The following HOOK3 variants were observed in gnomAD, a reference collection of about 807,000 sequenced individuals.
HOOK3 encodes protein Hook homolog 3.
HOOK3 carries 24 observed loss-of-function variants against 116.3 expected under a neutral mutation model. The ratio of observed to expected loss-of-function variants is 0.21; its 90% confidence interval spans 0.15 to 0.29. HOOK3 has a LOEUF of 0.29. Among genes scored for constraint, HOOK3 ranks in the 10% least tolerant of loss-of-function variants. The pLI, the probability that HOOK3 is intolerant of heterozygous loss-of-function variation, is 1.00. For missense variants in HOOK3, 632 were observed against 830.2 expected (o/e 0.76, Z 2.93); for synonymous variants, 275 against 283.0 (o/e 0.97, Z 0.28).
intron 5 of HOOK3, among the ~76,000 whole-genome samples, chr8:42,949,917 A>G (rs966196712): frequency 3.3e-5 from 5 of 151,192 alleles, no homozygotes; most frequent in African/African-American, 1.2e-4. Flanking sequence ...CTCTGTCTAA[A>G]AAAAAAAAAA....
chr8:43,018,225 A>G (rs1255409467), intron 21 of HOOK3, 133 bp from the exon 22 acceptor site: 3 of 794,384 alleles, frequency 3.8e-6, no homozygotes, highest in African/African-American at 1.8e-5. Context: ...ATTTTAATCT[A>G]TAGTGAGTAG....
Position 42,982,712 on chromosome 8 carries a change from T to C in HOOK3, c.1391+16T>C. 6.5e-7 allele frequency: 1 copy of C among 1,542,346 alleles called. No homozygotes were observed. Among genetic ancestry groups the C allele is most frequent in the Non-Finnish European group, 9.0e-7 (1 of 1,115,058 alleles). ...CTGAAATCAGGTAAGGAGATTGTGGTGTTCACACTTACACTGCACAGTATT... is the reference window on the plus strand; with the variant it reads ...CTGAAATCAGGTAAGGAGATTGTGGCGTTCACACTTACACTGCACAGTATT... On this transcript the variant is annotated intron_variant, in intron 14 of 21. Transcript: ENST00000307602.
chr8:42,904,275 A>G (rs990313737), intron 1 of HOOK3, among the ~76,000 whole-genome samples: 1 of 103,486 alleles, frequency 9.7e-6, no homozygotes, highest in Non-Finnish European at 2.0e-5. Context: ...CTTTCCCTCC[A>G]CTCCTTCCTT....
chr8:43,017,357 C>A (rs1409457075), intron 21 of HOOK3, among the ~76,000 whole-genome samples: 2 of 152,218 alleles, frequency 1.3e-5, no homozygotes, highest in African/African-American at 4.8e-5. Flanking sequence ...GCCTCAACCT[C>A]CTGGGCTCAA....
chr8:42,977,811 G>A (rs1808856629), intron 13 of HOOK3, among the ~76,000 whole-genome samples: 1 of 152,156 alleles, frequency 6.6e-6, no homozygotes, highest in Non-Finnish European at 1.5e-5. Flanking sequence ...ATGCCACAGT[G>A]AGCTGAAATA....
intron 6 of HOOK3, 139 bp from the exon 7 acceptor site, chr8:42,956,955 G>A: frequency 2.3e-6 from 1 of 443,912 alleles, no homozygotes; most frequent in Non-Finnish European, 4.0e-6. Context: ...AAGCTTTAAT[G>A]CAAAGTGTTT....
chr8:42,944,204 C>T (rs1269567741), intron 5 of HOOK3, among the ~76,000 whole-genome samples: 1 of 150,594 alleles, frequency 6.6e-6, no homozygotes, highest in Non-Finnish European at 1.5e-5. Context: ...CACTTGAGGC[C>T]AGGAGTTGGA....
chr8:42,943,470 G>C (rs746309661), intron 5 of HOOK3, 25 bp downstream of exon 5: 1 of 1,391,034 alleles, frequency 7.2e-7, no homozygotes, highest in South Asian at 1.9e-5. Flanking sequence ...GTTAGTGTTT[G>C]CATTTAAAAT....
At chr8:42,918,700 C>A (rs897161656) in intron 2 of HOOK3, among the ~76,000 whole-genome samples, 1 of 152,108 alleles carries the variant, frequency 6.6e-6, no homozygotes, top group Non-Finnish European at 1.5e-5. Context: ...TCCATTTAAC[C>A]CTTAGTGAAC....
chr8:42,988,929 C>CTCTTGACT (rs1809101674), intron 15 of HOOK3, among the ~76,000 whole-genome samples: 2 of 152,152 alleles, frequency 1.3e-5, no homozygotes, highest in Non-Finnish European at 2.9e-5. Context: ...ATTTATATTA[C>CTCTTGACT]CTTGACTCTA....
chr8:42,915,218 C>CA (rs1410614559), intron 2 of HOOK3, among the ~76,000 whole-genome samples: 1 of 151,988 alleles, frequency 6.6e-6, no homozygotes, highest in East Asian at 1.9e-4. Flanking sequence ...TCAGTCTCTA[C>CA]AAAAATATAA....
rs2130497788 is a variant in HOOK3, at chr8:43,019,189, G to A, written c.*691G>A. ...AAATTTCATTATTTCCTGCTATCTTGTTTGCTGGCAGAAGTGAATGTTTGG... is the reference window on the plus strand; with the variant it reads ...AAATTTCATTATTTCCTGCTATCTTATTTGCTGGCAGAAGTGAATGTTTGG... On this transcript the variant is annotated 3_prime_UTR_variant, in exon 22 of 22. Transcript: ENST00000307602. 4.7e-6 allele frequency: 1 copy of A among 211,548 alleles called. No homozygotes were observed. The highest frequency in any genetic ancestry group is 1.6e-3 in the Middle Eastern group (1 of 644). The allele number at this position is 211,548 out of a possible 1,614,324, so 13.1% of individuals were successfully genotyped here.
At chr8:43,004,428 C>T (rs1315231609) in intron 17 of HOOK3, among the ~76,000 whole-genome samples, 11 of 150,110 alleles carry the variant, frequency 7.3e-5, no homozygotes, top group Non-Finnish European at 1.6e-4. Flanking sequence ...CACCTGTAAT[C>T]CCAGCACTTT....
In HOOK3 at chr8:42,944,512, C is replaced by T. The variant is rs369744771; in HGVS notation, c.400+1067C>T. On this transcript the variant is annotated intron_variant, in intron 5 of 21. Transcript: ENST00000307602. ...AAAACCTTGGGATTAATTTTCACAT[C>T]GATAAACAGGCTTGTAAAATTAATG... Among the ~76,000 whole-genome samples, 20 of 151,790 alleles carry T rather than the reference C, an allele frequency of 1.3e-4. 1 individual carries two copies. In the South Asian group the frequency reaches 3.5e-3, roughly 27 times the overall value.
chr8:42,933,834 C>T (rs1586597633), intron 4 of HOOK3, among the ~76,000 whole-genome samples: 1 of 152,160 alleles, frequency 6.6e-6, no homozygotes, highest in Non-Finnish European at 1.5e-5. Flanking sequence ...CTGCTGACAT[C>T]TCTCATGTGG....
At chr8:42,951,217 C>T (rs566546393) in intron 6 of HOOK3, among the ~76,000 whole-genome samples, 24 of 152,198 alleles carry the variant, frequency 1.6e-4, no homozygotes, top group African/African-American at 5.1e-4. Context: ...CATGCCACCA[C>T]GCCTGGCTAG....
chr8:42,962,789 T>A (rs781150733), intron 8 of HOOK3, among the ~76,000 whole-genome samples: 6 of 133,940 alleles, frequency 4.5e-5, no homozygotes, highest in Admixed American at 2.2e-4. Flanking sequence ...TGGTCTGACT[T>A]CTTCTTCTTT....
rs2130364189 is a variant in HOOK3 at position 42,930,023 on chromosome 8, A to G, written c.217-99A>G. ...TTTATTTGTTAATATTTACTTTATG[A>G]TTAACTGCAGTGATTGGTTGGCTCA... On this transcript the variant is annotated intron_variant, in intron 3 of 21. Transcript: ENST00000307602. 12 of 1,000,638 alleles carry G rather than the reference A, an allele frequency of 1.2e-5. No homozygotes were observed. The East Asian group carries it at 3.4e-4, about 28-fold the overall frequency. The allele number at this position is 1,000,638 out of a possible 1,614,324, so 62.0% of individuals were successfully genotyped here. A position where few individuals can be genotyped will look rare whatever the true frequency, so the allele number is the denominator to read the frequency against.
chr8:42,938,697 C>CT (rs891303465), intron 4 of HOOK3, among the ~76,000 whole-genome samples: 1 of 142,504 alleles, frequency 7.0e-6, no homozygotes, highest in Non-Finnish European at 1.5e-5. Context: ...AAATGCTTTT[C>CT]TTTTATTTAT....
Sources: allele counts gnomAD v4.1 joint callset (sites outside exome capture counted in the v4.1 genomes callset), GRCh38; gene constraint gnomAD v4.1.1; transcripts MANE v1.5; gene names NCBI Gene and HGNC (gene_info 2026-07-23, HGNC 2026-07-21).